GRIP1: variants seen among roughly 807,000 people sequenced by gnomAD.
The protein encoded by GRIP1 is glutamate receptor interacting protein 1.
A neutral mutation model predicts 129.9 loss-of-function variants in GRIP1; 45 were observed. The observed-to-expected ratio is 0.35, with a 90% CI of 0.27 to 0.44. The LOEUF (loss-of-function observed/expected upper bound fraction) is 0.44, where lower values mean the gene tolerates loss of function less well. Among genes scored for constraint, GRIP1 ranks in the 20% least tolerant of loss-of-function variants. GRIP1 has a pLI of 1.00. For synonymous variants in GRIP1, 530 were observed against 520.8 expected (o/e 1.02, Z -0.24); for missense variants, 1,196 against 1,396.8 (o/e 0.86, Z 2.29).
chr12:66,431,500 T>C (rs1344462297), intron 14 of GRIP1, among the ~76,000 whole-genome samples: 3 of 152,346 alleles, frequency 2.0e-5, no homozygotes, highest in East Asian at 1.9e-4. Context: ...GTATTAAATT[T>C]GTATCGTCCA....
intron 7 of GRIP1, among the ~76,000 whole-genome samples, chr12:66,480,682 C>A (rs928173750): frequency 2.0e-5 from 3 of 152,138 alleles, no homozygotes; most frequent in Non-Finnish European, 4.4e-5. Flanking sequence ...CTACAGTAAC[C>A]AAAACAGCAT....
At chr12:66,788,746 G>C (rs1047692708) in intron 1 of GRIP1, among the ~76,000 whole-genome samples, 1 of 151,982 alleles carries the variant, frequency 6.6e-6, no homozygotes, top group Admixed American at 6.6e-5. Context: ...CTGCAGCTAC[G>C]TTGGTGAGCT....
At chr12:66,558,952 C>T (rs1368761234) in intron 2 of GRIP1, among the ~76,000 whole-genome samples, 1 of 152,052 alleles carries the variant, frequency 6.6e-6, no homozygotes, top group East Asian at 1.9e-4. Flanking sequence ...AAACCAAATT[C>T]AAGATCACAT....
At chr12:66,965,594 T>A (rs1033185777) in intron 1 of GRIP1, among the ~76,000 whole-genome samples, 2 of 145,074 alleles carry the variant, frequency 1.4e-5, no homozygotes, top group African/African-American at 2.6e-5. Flanking sequence ...TGTGTGTGTG[T>A]GTGAGATATT....
intron 1 of GRIP1, among the ~76,000 whole-genome samples, chr12:66,603,606 A>G (rs2064379118): frequency 1.3e-5 from 2 of 152,206 alleles, no homozygotes; most frequent in African/African-American, 4.8e-5. Flanking sequence ...GTGAGGATAC[A>G]CCTGTTCCAA....
chr12:66,367,815 C>A (rs1187937252), intron 23 of GRIP1, among the ~76,000 whole-genome samples: 1 of 152,202 alleles, frequency 6.6e-6, no homozygotes, highest in Non-Finnish European at 1.5e-5. Context: ...ACATGAAGAT[C>A]ACTTCCCTGT....
rs147084245 is a variant in GRIP1, at chr12:66,607,632, C to T, written c.56-10705G>A. 1.1e-4 allele frequency among the ~76,000 whole-genome samples: 16 copies of T among 152,216 alleles called. No homozygotes were observed. In the East Asian group the frequency reaches 2.9e-3, roughly 28 times the overall value. ...ACTTGTGTAGCTGGCAAGGAGATCG[C>T]TGAGTCTGCCTTTCCTTACCCTCTG... On this transcript the variant is annotated intron_variant, in intron 1 of 24. Transcript: ENST00000359742.
intron 1 of GRIP1, among the ~76,000 whole-genome samples, chr12:67,041,083 G>A (rs553273103): frequency 2.2e-4 from 33 of 152,158 alleles, no homozygotes; most frequent in Admixed American, 2.2e-3. Flanking sequence ...CTGCAGGCCT[G>A]CCCTATTGGA....
At chr12:67,000,767 T>C (rs190645989) in intron 1 of GRIP1, among the ~76,000 whole-genome samples, 80 of 152,320 alleles carry the variant, frequency 5.3e-4, no homozygotes, top group African/African-American at 1.8e-3. Flanking sequence ...ATTTTGGATA[T>C]TGTGGCTTGA....
At chr12:67,039,026 C>G (rs2043139304) in intron 1 of GRIP1, among the ~76,000 whole-genome samples, 1 of 145,792 alleles carries the variant, frequency 6.9e-6, no homozygotes, top group African/African-American at 2.7e-5. Flanking sequence ...TAAACACACA[C>G]ACACACACAC....
intron 16 of GRIP1, among the ~76,000 whole-genome samples, chr12:66,394,648 G>A (rs999628167): frequency 1.3e-5 from 2 of 152,188 alleles, no homozygotes. Flanking sequence ...CTAGGACAGT[G>A]CTTACCTAGC....
chr12:66,505,903 A>C (rs2060513985), intron 7 of GRIP1, among the ~76,000 whole-genome samples: 1 of 152,244 alleles, frequency 6.6e-6, no homozygotes, highest in South Asian at 2.1e-4. Flanking sequence ...ACACTTGAGC[A>C]GACCATTTCA....
chr12:66,464,836 GTA>G (rs1491054869), intron 8 of GRIP1, among the ~76,000 whole-genome samples: 1 of 148,370 alleles, frequency 6.7e-6, no homozygotes, highest in Non-Finnish European at 1.5e-5. Context: ...GTGTGTGTGT[GTA>G]TGTGTATATG....
chr12:66,964,247 T>G (rs1408107024), intron 1 of GRIP1, among the ~76,000 whole-genome samples: 4 of 152,130 alleles, frequency 2.6e-5, no homozygotes, highest in Admixed American at 2.6e-4. Context: ...CAGGTACTAT[T>G]CTAAGTAGCC....
chr12:66,559,898 A>G (rs2062460564), intron 2 of GRIP1, among the ~76,000 whole-genome samples: 1 of 152,160 alleles, frequency 6.6e-6, no homozygotes, highest in African/African-American at 2.4e-5. Context: ...TGGATGGATC[A>G]CATTACCTGA....
chr12:66,619,432 C>T (rs1204361437), intron 1 of GRIP1, among the ~76,000 whole-genome samples: 1 of 152,068 alleles, frequency 6.6e-6, no homozygotes, highest in Non-Finnish European at 1.5e-5. Context: ...TTTCCTTGCC[C>T]TCCACAAATC....
chr12:66,747,742 AT>A (rs528003278), intron 1 of GRIP1, among the ~76,000 whole-genome samples: 7 of 152,088 alleles, frequency 4.6e-5, no homozygotes, highest in South Asian at 4.2e-4. Context: ...TAATACCAAC[AT>A]TTTTTTCCCC....
intron 1 of GRIP1, among the ~76,000 whole-genome samples, chr12:67,051,393 A>C (rs1270680127): frequency 6.6e-6 from 1 of 152,188 alleles, no homozygotes; most frequent in Non-Finnish European, 1.5e-5. Context: ...GACTTGAATT[A>C]ACTAGCACCA....
intron 23 of GRIP1, among the ~76,000 whole-genome samples, chr12:66,355,440 G>T (rs1329610809): frequency 1.3e-5 from 2 of 152,172 alleles, no homozygotes; most frequent in African/African-American, 4.8e-5. Context: ...CAGATATAAA[G>T]TTTTCTCAGT....
Sources: allele counts gnomAD v4.1 joint callset (sites outside exome capture counted in the v4.1 genomes callset), GRCh38; gene constraint gnomAD v4.1.1; transcripts MANE v1.5; gene names NCBI Gene and HGNC (gene_info 2026-07-23, HGNC 2026-07-21).